The following CLN3 variants were observed in gnomAD, a reference collection of about 807,000 sequenced individuals.
CLN3 encodes the protein CLN3 lysosomal/endosomal transmembrane protein, battenin.
A neutral mutation model predicts 60.7 loss-of-function variants in CLN3; 49 were observed. That is an observed-to-expected ratio of 0.81 (90% CI 0.64 to 1.02). The LOEUF (loss-of-function observed/expected upper bound fraction) is 1.02, where lower values mean the gene tolerates loss of function less well. Among genes scored for constraint, CLN3 ranks in the 50% least tolerant of loss-of-function variants. The pLI is 0.00. For missense variants in CLN3, 516 were observed against 557.4 expected (o/e 0.93, Z 0.75); for synonymous variants, 256 against 245.8 (o/e 1.04, Z -0.39).
At position 28,484,291 on chromosome 16, in the gene CLN3, A is replaced by G. The variant is rs1276713466; in HGVS notation, c.678-173T>C. The G allele has an allele frequency of 2.3e-5, 15 of 640,562 alleles. No homozygotes were observed. The South Asian group carries it at 2.6e-4, about 11-fold the overall frequency. The allele number at this position is 640,562 out of a possible 1,614,324, so 39.7% of individuals were successfully genotyped here. A position where few individuals can be genotyped will look rare whatever the true frequency, so the allele number is the denominator to read the frequency against. On this transcript the variant is annotated intron_variant, in intron 9 of 15. Transcript: ENST00000636147. The stretch of plus-strand genomic sequence containing the variant: ...TGCGGGAGAGCTCCAATTGTGGACA[A>G]AGGCTTCTTTCTTTGGACCTGAATT...
chr16:28,482,475 A>C lies in CLN3; in HGVS notation c.906+2T>G, dbSNP rs771788391. 1 of 1,614,144 alleles carries C rather than the reference A, an allele frequency of 6.2e-7. No individual in the cohort carries two copies. The highest frequency in any genetic ancestry group is 8.5e-7 in the Non-Finnish European group (1 of 1,180,010). On this transcript the variant is annotated splice_donor_variant, in intron 12 of 15. Coordinates refer to ENST00000636147, the MANE Select transcript of CLN3 (RefSeq NM_001042432.2). LOFTEE classifies it high-confidence loss of function. ...ACACCCCTCCTAGCACCCCTCACTT[A>C]CAAGTCCCTGGTTAATGAAATACTC...
intron 10 of CLN3, among the ~76,000 whole-genome samples, 174 bp from the exon 11 acceptor site, chr16:28,482,846 G>A (rs1799639450): frequency 6.6e-6 from 1 of 152,144 alleles, no homozygotes. Flanking sequence ...GCTCATGCTT[G>A]TAATCCCAGC....
rs80216869 is a variant in CLN3 at position 28,486,971 on chromosome 16, C to A, written c.461-321G>T. The A allele has an allele frequency of 2.1e-3, 869 of 405,074 alleles. 23 individuals are homozygous for A. In the East Asian group the frequency reaches 0.04, roughly 19 times the overall value. The allele number at this position is 405,074 out of a possible 1,614,324, so 25.1% of individuals were successfully genotyped here. A position where few individuals can be genotyped will look rare whatever the true frequency, so the allele number is the denominator to read the frequency against. ...TGTCACCCAGGCTGGAGTACAGTGG[C>A]GTGATCTCGGCTCACTGCAACCTCT... On this transcript the variant is annotated intron_variant, in intron 7 of 15. Coordinates refer to ENST00000636147, the MANE Select transcript of CLN3 (RefSeq NM_001042432.2).
chr16:28,487,476 G>C lies in CLN3; in HGVS notation c.440C>G (p.Ser147Cys), dbSNP rs959807784. 1.2e-5 allele frequency: 20 copies of C among 1,613,770 alleles called. No individual in the cohort carries two copies. The highest frequency in any genetic ancestry group is 1.7e-5 in the Non-Finnish European group (20 of 1,179,926). The stretch of plus-strand genomic sequence containing the variant: ...CTCACCACACAGGCTGGTCCCCACA[G>C]AATGAGAAAAGGCAACCAGGACGAA... ...GSFVLVAFSH[S>C]VGTSLCGVVF... The change falls in exon 7 of 16, where the codon TCT becomes TGT. Residue 147 changes from serine (S) to cysteine (C), a missense_variant. By Grantham distance (112) the Ser-to-Cys change is moderately radical. Transcript: ENST00000636147.
At chr16:28,470,742 A>C (rs1340632114), downstream of CLN3, among the ~76,000 whole-genome samples, 2 of 150,836 alleles carry the variant, frequency 1.3e-5, no homozygotes, top group Non-Finnish European at 3.0e-5. Context: ...GGGGTCTGGG[A>C]AAGGATCCGG....
rs912337846 is a variant in CLN3, at chr16:28,488,677, G to A, written c.223-15C>T. 5.6e-6 allele frequency: 9 copies of A among 1,612,846 alleles called. No homozygotes were observed. Among genetic ancestry groups the A allele is most frequent in the Non-Finnish European group, 7.6e-6 (9 of 1,178,966 alleles). On this transcript the variant is annotated splice_polypyrimidine_tract_variant and intron_variant, in intron 4 of 15. Coordinates refer to ENST00000636147, the MANE Select transcript of CLN3 (RefSeq NM_001042432.2). ...CCTGGGTCCACCTAATGGGAGAAAA[G>A]CATGTCTTTCACCCTGGAGGCAGAG...
At chr16:28,483,663 G>A (rs1243688823) in intron 10 of CLN3, among the ~76,000 whole-genome samples, 1 of 147,936 alleles carries the variant, frequency 6.8e-6, no homozygotes, top group Non-Finnish European at 1.5e-5. Context: ...CACATGGTAA[G>A]TACTCAATTA....
At chr16:28,487,320 C>T in intron 7 of CLN3, 136 bp downstream of exon 7, 8 of 764,752 alleles carry the variant, frequency 1.0e-5, no homozygotes, top group Non-Finnish European at 1.9e-5. Context: ...CCATCGCCTA[C>T]TGCTGATAGC....
At chr16:28,488,796 C>T (rs779608281) in intron 4 of CLN3, 134 bp from the exon 5 acceptor site, 6 of 817,342 alleles carry the variant, frequency 7.3e-6, no homozygotes, top group African/African-American at 3.3e-5. Flanking sequence ...AGGACCTCAG[C>T]GTCTCTGCAT....
chr16:28,479,275 A>G (rs2046047947), intron 14 of CLN3, among the ~76,000 whole-genome samples: 1 of 152,194 alleles, frequency 6.6e-6, no homozygotes, highest in African/African-American at 2.4e-5. Context: ...GGTAGACTTA[A>G]AGATGAGCAT....
At chr16:28,481,370 G>A (rs946657530) in intron 14 of CLN3, among the ~76,000 whole-genome samples, 2 of 149,440 alleles carry the variant, frequency 1.3e-5, no homozygotes, top group African/African-American at 4.9e-5. Context: ...CATAGTGCTG[G>A]GATTACAGGC....
At chr16:28,488,758 G>T in intron 4 of CLN3, 96 bp from the exon 5 acceptor site, 1 of 1,239,900 alleles carries the variant, frequency 8.1e-7, no homozygotes, top group Non-Finnish European at 1.2e-6. Context: ...TTGAAGGATG[G>T]CTTTGGGTCA....
At chr16:28,470,536 T>G (rs1596614770), downstream of CLN3, 2 of 474,592 alleles carry the variant, frequency 4.2e-6, no homozygotes, top group East Asian at 9.7e-5. Flanking sequence ...GGGCCGGATC[T>G]GAGTTGGGGC....
intron 10 of CLN3, 128 bp from the exon 11 acceptor site, chr16:28,482,800 G>A (rs2141704513): frequency 9.9e-7 from 1 of 1,011,302 alleles, no homozygotes; most frequent in South Asian, 1.3e-5. Context: ...CACTGGATTG[G>A]ACACTTAAAA....
intron 14 of CLN3, among the ~76,000 whole-genome samples, chr16:28,478,843 G>A (rs1400548625): frequency 6.6e-6 from 1 of 152,068 alleles, no homozygotes; most frequent in Non-Finnish European, 1.5e-5. Context: ...GCCTGCAGAC[G>A]TTGCCAAACA....
chr16:28,485,698 A>T (rs2046201189), intron 9 of CLN3, among the ~76,000 whole-genome samples: 1 of 150,368 alleles, frequency 6.7e-6, no homozygotes, highest in Non-Finnish European at 1.5e-5. Flanking sequence ...AAAAAAAAAA[A>T]AAAAAAAAGG....
chr16:28,490,604 C>CA (rs1277484528), intron 3 of CLN3, among the ~76,000 whole-genome samples: 1 of 150,446 alleles, frequency 6.6e-6, no homozygotes, highest in Non-Finnish European at 1.5e-5. Context: ...ACTAAAAATA[C>CA]AAAAAAATAG....
At chr16:28,480,435 C>G (rs891548991) in intron 14 of CLN3, among the ~76,000 whole-genome samples, 1 of 151,126 alleles carries the variant, frequency 6.6e-6, no homozygotes, top group African/African-American at 2.4e-5. Flanking sequence ...GAGTCTCGCT[C>G]TGTGGCCCAG....
Position 28,487,760 on chromosome 16 carries a change from G to T in CLN3, c.295-19C>A, listed in dbSNP as rs1299091462. ...GCACAGCCTGGGACAGGAGAATAGA[G>T]TGAGACCGCAGAGCTTCCAGGGGAC... On this transcript the variant is annotated intron_variant, in intron 5 of 15. Coordinates refer to ENST00000636147, the MANE Select transcript of CLN3 (RefSeq NM_001042432.2). 1 of 1,602,614 alleles carries T rather than the reference G, an allele frequency of 6.2e-7. No homozygotes were observed. The highest frequency in any genetic ancestry group is 1.1e-5 in the South Asian group (1 of 90,330).
Sources: gnomAD v4.1 joint callset for allele counts (sites outside exome capture counted in the v4.1 genomes callset) on GRCh38, gnomAD v4.1.1 for gene constraint, MANE v1.5 for transcripts, NCBI Gene and HGNC (gene_info 2026-07-23, HGNC 2026-07-21) for gene names.